The following ERGIC1 variants were observed in gnomAD, a reference collection of about 807,000 sequenced individuals.
ERGIC1 encodes the protein endoplasmic reticulum-golgi intermediate compartment 1.
In ERGIC1, 19 loss-of-function variants were observed where a neutral mutation model predicts 38.3. The observed-to-expected ratio is 0.50, with a 90% CI of 0.35 to 0.73. ERGIC1 has a LOEUF of 0.73. Among genes scored for constraint, ERGIC1 ranks in the 30% least tolerant of loss-of-function variants. The pLI, the probability that ERGIC1 is intolerant of heterozygous loss-of-function variation, is 0.01. For missense variants in ERGIC1, 294 were observed against 389.2 expected (o/e 0.76, Z 2.06); for synonymous variants, 124 against 157.6 (o/e 0.79, Z 1.60).
At chr5:172,876,546 A>C (rs1285233302) in intron 1 of ERGIC1, among the ~76,000 whole-genome samples, 1 of 152,228 alleles carries the variant, frequency 6.6e-6, no homozygotes, top group African/African-American at 2.4e-5. Flanking sequence ...GATGTATTTC[A>C]ATCACGGCTG....
At chr5:172,948,808 G>C (rs7725033) in intron 9 of ERGIC1, among the ~76,000 whole-genome samples, 5 of 152,082 alleles carry the variant, frequency 3.3e-5, no homozygotes, top group Admixed American at 6.5e-5. Context: ...TAGCACTTTG[G>C]GGGGCTGAGA....
At chr5:172,918,678 C>A (rs868706520) in intron 5 of ERGIC1, among the ~76,000 whole-genome samples, 2 of 152,226 alleles carry the variant, frequency 1.3e-5, no homozygotes, top group Non-Finnish European at 2.9e-5. Context: ...AGAGAAGGGG[C>A]CGCTGCAGGA....
chr5:172,891,832 A>G (rs974782194), intron 2 of ERGIC1, among the ~76,000 whole-genome samples: 6 of 152,198 alleles, frequency 3.9e-5, no homozygotes, highest in African/African-American at 1.4e-4. Flanking sequence ...TTCTGCTGAT[A>G]CATCCTGGGC....
intron 3 of ERGIC1, among the ~76,000 whole-genome samples, chr5:172,900,469 A>G (rs1156663943): frequency 6.6e-6 from 1 of 152,084 alleles, no homozygotes; most frequent in African/African-American, 2.4e-5. Context: ...CACTTTGAAA[A>G]GCCAAGGCCA....
intron 2 of ERGIC1, 81 bp downstream of exon 2, chr5:172,888,841 C>CAGGGAGGAAAGAAGGAAAGACAGG: frequency 1.5e-6 from 2 of 1,311,882 alleles, no homozygotes; most frequent in East Asian, 2.3e-5. Flanking sequence ...TCATCTGGGC[C>CAGGGAGGAAAGAAGGAAAGACAGG]AGGGAGGAAA....
intron 1 of ERGIC1, among the ~76,000 whole-genome samples, chr5:172,885,706 T>TGCTGCCTCGCTA (rs1554109521): frequency 1.3e-5 from 2 of 151,760 alleles, no homozygotes; most frequent in Non-Finnish European, 2.9e-5. Flanking sequence ...TGCAGCCCTT[T>TGCTGCCTCGCTA]CCTGCTGCTC....
chr5:172,880,787 G>A (rs555745123), intron 1 of ERGIC1, among the ~76,000 whole-genome samples: 2 of 152,370 alleles, frequency 1.3e-5, no homozygotes, highest in African/African-American at 2.4e-5. Flanking sequence ...AGGGCAGGGG[G>A]CCCTATGGGG....
intron 9 of ERGIC1, among the ~76,000 whole-genome samples, chr5:172,946,840 G>A (rs1422182137): frequency 4.6e-5 from 7 of 150,884 alleles, no homozygotes; most frequent in Middle Eastern, 3.2e-3. Flanking sequence ...AAGCAGGGCC[G>A]TGGCAATGTG....
At chr5:172,835,620 T>C (rs1014484524) in intron 1 of ERGIC1, among the ~76,000 whole-genome samples, 1 of 152,168 alleles carries the variant, frequency 6.6e-6, no homozygotes, top group Non-Finnish European at 1.5e-5. Flanking sequence ...TCTTCTTGCA[T>C]GTGAAGGCAG....
At chr5:172,905,485 C>T (rs765682109) in intron 3 of ERGIC1, 1 of 463,108 alleles carries the variant, frequency 2.2e-6, no homozygotes, top group Admixed American at 2.4e-5. Flanking sequence ...GTGAGTGTTA[C>T]AGCTCTATTG....
chr5:172,931,139 C>T (rs985853953), intron 7 of ERGIC1: 1 of 152,148 alleles, frequency 6.6e-6, no homozygotes, highest in South Asian at 2.1e-4. Context: ...AACCCACAGG[C>T]CTAAATTTCT....
intron 5 of ERGIC1, chr5:172,920,305 C>A: frequency 1.4e-6 from 1 of 717,526 alleles, no homozygotes; most frequent in East Asian, 2.7e-5. Flanking sequence ...CCAGCCCCCG[C>A]ACCTCTCTCC....
intron 1 of ERGIC1, among the ~76,000 whole-genome samples, chr5:172,835,483 A>G (rs943169053): frequency 1.3e-5 from 2 of 151,702 alleles, no homozygotes; most frequent in Non-Finnish European, 1.5e-5. Context: ...CACCCTTAGC[A>G]GAGTCTGGCA....
At chr5:172,928,608 A>G (rs1763707482) in intron 7 of ERGIC1, among the ~76,000 whole-genome samples, 1 of 150,300 alleles carries the variant, frequency 6.7e-6, no homozygotes, top group Non-Finnish European at 1.5e-5. Context: ...CAGCTATAAC[A>G]TGGCACTCTG....
intron 7 of ERGIC1, among the ~76,000 whole-genome samples, chr5:172,929,142 CAT>C (rs930458176): frequency 6.3e-5 from 9 of 143,500 alleles, no homozygotes; most frequent in Admixed American, 4.1e-4. Flanking sequence ...TATGGGCTGT[CAT>C]ATATATATAT....
chr5:172,943,996 A>C lies in ERGIC1; in HGVS notation c.766-6713A>C, dbSNP rs180992842. ...TTCATTCTAGTCACAGTGGAAGGCC[A>C]AGAAGCTGACGGGACCCCTGGGAGG... is the stretch of plus-strand genomic sequence containing the variant. On this transcript the variant is annotated intron_variant, in intron 9 of 9. Coordinates refer to ENST00000393784, the MANE Select transcript of ERGIC1 (RefSeq NM_001031711.3). Among the ~76,000 whole-genome samples the C allele has an allele frequency of 5.2e-4, 79 of 152,362 alleles. 1 individual carries two copies. In the East Asian group the frequency reaches 0.011, roughly 20 times the overall value.
At chr5:172,908,101 T>C (rs1381283707) in intron 3 of ERGIC1, among the ~76,000 whole-genome samples, 1 of 151,460 alleles carries the variant, frequency 6.6e-6, no homozygotes, top group East Asian at 1.9e-4. Context: ...TAGGTCCCTG[T>C]CCCTGATGTG....
chr5:172,915,078 A>AG, intron 5 of ERGIC1: 1 of 721,154 alleles, frequency 1.4e-6, no homozygotes, highest in Non-Finnish European at 2.5e-6. Context: ...CTCTCCAGTG[A>AG]GGGGGACAAT....
At position 172,909,664 on chromosome 5, in the gene ERGIC1, T is replaced by C; in HGVS notation, c.156-3T>C. The stretch of plus-strand genomic sequence containing the variant: ...AAGGTTCCTATACTTGTCTTTCCCC[T>C]AGTGTGAACGAGCTCTATGTCGATG... On this transcript the variant is annotated splice_polypyrimidine_tract_variant and splice_region_variant and intron_variant, in intron 3 of 9. Transcript: ENST00000393784. 2 of 1,614,026 alleles carry C rather than the reference T, an allele frequency of 1.2e-6. No individual in the cohort carries two copies. Among genetic ancestry groups the C allele is most frequent in the South Asian group, 2.2e-5 (2 of 91,082 alleles).
Sources: allele counts gnomAD v4.1 joint callset (sites outside exome capture counted in the v4.1 genomes callset), GRCh38; gene constraint gnomAD v4.1.1; transcripts MANE v1.5; gene names NCBI Gene and HGNC (gene_info 2026-07-23, HGNC 2026-07-21).